DNAH11: variants seen among roughly 807,000 people sequenced by gnomAD.
DNAH11 encodes the protein axonemal beta dynein heavy chain 11.
Under a neutral mutation model 526.0 loss-of-function variants are expected in DNAH11, and 442 were observed. The ratio of observed to expected loss-of-function variants is 0.84; its 90% CI spans 0.78 to 0.91. The LOEUF (loss-of-function observed/expected upper bound fraction) is 0.91, where lower values mean the gene tolerates loss of function less well. Among genes scored for constraint, DNAH11 ranks in the 40% least tolerant of loss-of-function variants. The pLI, the probability that DNAH11 is intolerant of heterozygous loss-of-function variation, is 0.00. For synonymous variants in DNAH11, 2,461 were observed against 1,935.9 expected, an observed-to-expected ratio of 1.27 and a Z score of -7.12; for missense variants, 6,989 against 5,448.7, an observed-to-expected ratio of 1.28 and a Z score of -8.90.
intron 30 of DNAH11, among the ~76,000 whole-genome samples, chr7:21,659,643 T>C (rs911707131): frequency 5.3e-5 from 8 of 152,238 alleles, no homozygotes; most frequent in Admixed American, 2.0e-4. Flanking sequence ...TCTACTCTTC[T>C]GGTTTTCAGT....
At chr7:21,822,925 G>A (rs1790114343) in intron 65 of DNAH11, among the ~76,000 whole-genome samples, 2 of 126,348 alleles carry the variant, frequency 1.6e-5, no homozygotes, top group African/African-American at 3.0e-5. Flanking sequence ...ATCTACTCAG[G>A]TATTTTACCC....
At chr7:21,572,323 T>G (rs746588642) in intron 8 of DNAH11, among the ~76,000 whole-genome samples, 1 of 152,218 alleles carries the variant, frequency 6.6e-6, no homozygotes, top group Non-Finnish European at 1.5e-5. Context: ...CACTGGATGT[T>G]TTGTTTTTTG....
intron 61 of DNAH11, 135 bp from the exon 62 acceptor site, chr7:21,801,002 G>A (rs1473437603): frequency 9.2e-6 from 8 of 868,888 alleles, no homozygotes; most frequent in East Asian, 2.7e-5. Context: ...CCTAAAATAC[G>A]TATGGTAAAG....
At chr7:21,759,223 T>C (rs1234024065) in intron 54 of DNAH11, among the ~76,000 whole-genome samples, 1 of 152,164 alleles carries the variant, frequency 6.6e-6, no homozygotes, top group Non-Finnish European at 1.5e-5. Flanking sequence ...TAGGAGAGTT[T>C]TGTTCAGAAA....
chr7:21,763,155 A>G (rs1231117943), intron 54 of DNAH11, among the ~76,000 whole-genome samples: 1 of 152,036 alleles, frequency 6.6e-6, no homozygotes, highest in African/African-American at 2.4e-5. Flanking sequence ...CAGCCTGGCC[A>G]ACATAGTAAA....
intron 54 of DNAH11, among the ~76,000 whole-genome samples, chr7:21,751,044 C>G (rs528210877): frequency 6.6e-6 from 1 of 152,148 alleles, no homozygotes; most frequent in South Asian, 2.1e-4. Context: ...CTCAGATGGG[C>G]CGGGTGCAGT....
At chr7:21,619,848 A>T in intron 24 of DNAH11, 108 bp from the exon 25 acceptor site, 1 of 1,043,072 alleles carries the variant, frequency 9.6e-7, no homozygotes, top group Non-Finnish European at 1.4e-6. Flanking sequence ...ATAATACTTG[A>T]TATCAGTTTG....
chr7:21,599,183 C>T (rs1321372852), intron 14 of DNAH11, among the ~76,000 whole-genome samples: 2 of 152,194 alleles, frequency 1.3e-5, no homozygotes, highest in Non-Finnish European at 2.9e-5. Flanking sequence ...AGTGGTTGAA[C>T]TAATTAACAT....
chr7:21,638,708 G>A (rs1338435868), intron 27 of DNAH11, among the ~76,000 whole-genome samples: 1 of 151,572 alleles, frequency 6.6e-6, no homozygotes, highest in South Asian at 2.1e-4. Context: ...GTGTGTGTGT[G>A]TGTGTGTGTG....
At chr7:21,571,698 G>A in intron 7 of DNAH11, 108 bp from the exon 8 acceptor site, 3 of 734,460 alleles carry the variant, frequency 4.1e-6, no homozygotes, top group Non-Finnish European at 6.1e-6. Flanking sequence ...GTCATTTTCT[G>A]TCATTGACTC....
chr7:21,664,006 A>G (rs1236443619), intron 30 of DNAH11, among the ~76,000 whole-genome samples: 7 of 151,738 alleles, frequency 4.6e-5, no homozygotes, highest in South Asian at 2.1e-4. Context: ...ACTTTATGCT[A>G]TTTTTCATAA....
intron 74 of DNAH11, among the ~76,000 whole-genome samples, chr7:21,873,816 A>T (rs1783593561): frequency 1.3e-5 from 1 of 78,224 alleles, no homozygotes; most frequent in Non-Finnish European, 2.3e-5. Context: ...TTTGAGACGG[A>T]ATCTCACTTT....
At chr7:21,641,491 A>G (rs1224206564) in intron 28 of DNAH11, among the ~76,000 whole-genome samples, 1 of 152,190 alleles carries the variant, frequency 6.6e-6, no homozygotes, top group Non-Finnish European at 1.5e-5. Context: ...GAATGTGCAC[A>G]TACTCACCAC....
intron 65 of DNAH11, among the ~76,000 whole-genome samples, chr7:21,820,313 T>G (rs1163407829): frequency 6.6e-6 from 1 of 152,116 alleles, no homozygotes; most frequent in Non-Finnish European, 1.5e-5. Context: ...AAACAATCAG[T>G]GAATGTAAAG....
In DNAH11 at chr7:21,790,013, A is replaced by G. The variant is rs116312479; in HGVS notation, c.10026+671A>G. Among the ~76,000 whole-genome samples the G allele has an allele frequency of 1.7e-3, 259 of 151,114 alleles. 1 individual carries two copies. Among genetic ancestry groups the G allele is most frequent in the African/African-American group, 5.9e-3 (244 of 41,092 alleles). ...GGTGGTTTGCTGCTCCTATCAACCA[A>G]TCACCTAGGTATTAAGCCTGTCATT... On this transcript the variant is annotated intron_variant, in intron 61 of 81. Coordinates refer to ENST00000409508, the MANE Select transcript of DNAH11 (RefSeq NM_001277115.2).
chr7:21,769,692 C>T (rs544689989), intron 55 of DNAH11, among the ~76,000 whole-genome samples: 22 of 152,132 alleles, frequency 1.4e-4, no homozygotes, highest in African/African-American at 5.1e-4. Flanking sequence ...ACCATGTTGC[C>T]CAGGCTGGTC....
At chr7:21,604,307 A>G (rs1785201495) in intron 18 of DNAH11, among the ~76,000 whole-genome samples, 1 of 152,036 alleles carries the variant, frequency 6.6e-6, no homozygotes, top group Non-Finnish European at 1.5e-5. Context: ...ACCCACTTTA[A>G]TTCAGCTCTT....
rs75491092 is a variant in DNAH11, at chr7:21,668,432, T to C, written c.5328+9401T>C. 8.5e-3 allele frequency among the ~76,000 whole-genome samples: 1,290 copies of C among 152,280 alleles called. 46 individuals are homozygous for C. The South Asian group carries it at 0.088, about 10-fold the overall frequency. On this transcript the variant is annotated intron_variant, in intron 30 of 81. Transcript: ENST00000409508. ...AATGTTTCTCTTGTAACACAGCTCATTGCATGTGCTAGCCCTCTTTGAATA... is the reference window on the plus strand; with the variant it reads ...AATGTTTCTCTTGTAACACAGCTCACTGCATGTGCTAGCCCTCTTTGAATA...
intron 68 of DNAH11, among the ~76,000 whole-genome samples, chr7:21,856,068 G>A (rs973501050): frequency 1.3e-5 from 2 of 152,138 alleles, no homozygotes; most frequent in Non-Finnish European, 1.5e-5. Flanking sequence ...TCCAGGTAGT[G>A]AGTGAATTTC....
Sources: allele counts gnomAD v4.1 joint callset (sites outside exome capture counted in the v4.1 genomes callset), GRCh38; gene constraint gnomAD v4.1.1; transcripts MANE v1.5; gene names NCBI Gene and HGNC (gene_info 2026-07-23, HGNC 2026-07-21).